The following TMPRSS11B variants were observed in gnomAD, a reference collection of about 807,000 sequenced individuals.
The protein encoded by TMPRSS11B is transmembrane protease serine 11B.
In TMPRSS11B, 53 loss-of-function variants were observed where a neutral mutation model predicts 44.7. The ratio of observed to expected loss-of-function variants is 1.19; its 90% CI spans 0.95 to 1.49. TMPRSS11B has a LOEUF of 1.49. Among genes scored for constraint, TMPRSS11B ranks in the 40% most tolerant of loss-of-function variants. The pLI is 0.00. For missense variants in TMPRSS11B, 526 were observed against 494.8 expected, an observed-to-expected ratio of 1.06 and a Z score of -0.60; for synonymous variants, 140 against 159.2, an observed-to-expected ratio of 0.88 and a Z score of 0.91.
In TMPRSS11B at chr4:68,227,411, T is replaced by TTC. The variant is rs1193721765; in HGVS notation, c.*499_*500insGA. On this transcript the variant is annotated 3_prime_UTR_variant, in exon 10 of 10. Transcript: ENST00000332644. ...TTCTTTATTTTCTTCTCTCCTTTTT[T>TTC]TTTTTTTTTTTTTGAGACAGGGTCT... is the stretch of plus-strand genomic sequence containing the variant. 1 of 147,088 alleles carries TTC rather than the reference T, an allele frequency of 6.8e-6. No individual in the cohort carries two copies. Among genetic ancestry groups the TTC allele is most frequent in the Non-Finnish European group, 1.5e-5 (1 of 67,502 alleles). 9.1% of individuals were successfully genotyped at this position (147,088 alleles called of 1,614,324 possible). A position where few individuals can be genotyped will look rare whatever the true frequency, so the allele number is the denominator to read the frequency against.
At chr4:68,233,454 C>T (rs556793064) in intron 5 of TMPRSS11B, among the ~76,000 whole-genome samples, 2 of 152,156 alleles carry the variant, frequency 1.3e-5, no homozygotes, top group East Asian at 3.9e-4. Context: ...CTTTGCAAAA[C>T]CTTCACAATC....
intron 1 of TMPRSS11B, among the ~76,000 whole-genome samples, chr4:68,245,151 T>C (rs9999835): frequency 0.017 from 2,655 of 152,274 alleles, 70 homozygotes; most frequent in African/African-American, 0.06. Flanking sequence ...CCAAAATATA[T>C]AATGGCATTC....
At chr4:68,242,276 T>TATAACATA (rs1719862265) in intron 1 of TMPRSS11B, among the ~76,000 whole-genome samples, 1 of 73,148 alleles carries the variant, frequency 1.4e-5, no homozygotes, top group African/African-American at 6.8e-5. Flanking sequence ...AATATAATAT[T>TATAACATA]ATATATATTA....
intron 9 of TMPRSS11B, among the ~76,000 whole-genome samples, chr4:68,228,436 G>A (rs1244503883): frequency 1.3e-5 from 2 of 152,186 alleles, no homozygotes; most frequent in Admixed American, 6.5e-5. Context: ...ATAAAGAGAA[G>A]ACAACATTCT....
chr4:68,228,887 A>C lies in TMPRSS11B; in HGVS notation c.947-3T>G. On this transcript the variant is annotated splice_region_variant and splice_polypyrimidine_tract_variant and intron_variant, in intron 8 of 9. Coordinates refer to ENST00000332644, the MANE Select transcript of TMPRSS11B (RefSeq NM_182502.3). ...TTGAAGTATCACTGGAAATGAACCT[A>C]AAAGCAATAAGTGCTGCATATTATG... The C allele has an allele frequency of 1.2e-6, 2 of 1,612,008 alleles. No homozygotes were observed. Among genetic ancestry groups the C allele is most frequent in the Non-Finnish European group, 1.7e-6 (2 of 1,179,088 alleles).
chr4:68,241,729 C>G lies in TMPRSS11B; in HGVS notation c.84G>C (p.Leu28Phe). Residue 28 changes from leucine (L) to phenylalanine (F), a missense_variant, in exon 2 of 10, where the codon TTG (leucine) becomes TTC (phenylalanine). Coordinates refer to ENST00000332644, the MANE Select transcript of TMPRSS11B (RefSeq NM_182502.3). Reference protein sequence around the residue: ...IFIFLGVAAILGVTIGLLVHF... With the variant: ...IFIFLGVAAIFGVTIGLLVHF... ...GAACAAGAAGACCAATGGTTACTCC[C>G]AAGATTGCCGCCACTCCAAGAAAAA... 6.2e-7 allele frequency: 1 copy of G among 1,612,942 alleles called. No homozygotes were observed. The highest frequency in any genetic ancestry group is 8.5e-7 in the Non-Finnish European group (1 of 1,179,388).
At chr4:68,230,281 T>G (rs1466473537) in intron 7 of TMPRSS11B, among the ~76,000 whole-genome samples, 2 of 152,230 alleles carry the variant, frequency 1.3e-5, no homozygotes, top group African/African-American at 4.8e-5. Flanking sequence ...ACTCAATTTT[T>G]GGGTCCAGAT....
At chr4:68,229,706 G>A (rs1019122903) in intron 7 of TMPRSS11B, 190 bp from the exon 8 acceptor site, 21 of 476,574 alleles carry the variant, frequency 4.4e-5, no homozygotes, top group African/African-American at 4.0e-4. Flanking sequence ...ATAATGCTAA[G>A]GACTCAGATT....
intron 1 of TMPRSS11B, among the ~76,000 whole-genome samples, chr4:68,242,277 AT>A (rs1719862411): frequency 2.6e-5 from 2 of 76,988 alleles, no homozygotes; most frequent in African/African-American, 1.3e-4. Context: ...ATATAATATT[AT>A]ATATATTATA....
At chr4:68,236,296 G>T (rs766218420) in intron 2 of TMPRSS11B, 30 bp from the exon 3 acceptor site, 5 of 1,407,768 alleles carry the variant, frequency 3.6e-6, no homozygotes, top group Non-Finnish European at 3.9e-6. Context: ...AAACCTCAAA[G>T]AATTTTAAAG....
At chr4:68,242,004 G>A (rs895951235) in intron 1 of TMPRSS11B, among the ~76,000 whole-genome samples, 200 bp from the exon 2 acceptor site, 1 of 150,652 alleles carries the variant, frequency 6.6e-6, no homozygotes, top group Non-Finnish European at 1.5e-5. Flanking sequence ...TCCCAGGTTA[G>A]CTGCTGGAAA....
At chr4:68,242,290 TA>T (rs1560445546) in intron 1 of TMPRSS11B, among the ~76,000 whole-genome samples, 22 of 60,336 alleles carry the variant, frequency 3.6e-4, no homozygotes, top group African/African-American at 1.6e-3. Flanking sequence ...TATATTATAT[TA>T]TACATAATAT....
rs192676073 is a variant in TMPRSS11B, at chr4:68,237,109, A to G, written c.125-843T>C. On this transcript the variant is annotated intron_variant, in intron 2 of 9. Coordinates refer to ENST00000332644, the MANE Select transcript of TMPRSS11B (RefSeq NM_182502.3). ...CACTAGTGCCTCCACCTCCCTGCCA[A>G]CCCTGGTGTGTGATGTTCCCCTCCC... is the stretch of plus-strand genomic sequence containing the variant. Among the ~76,000 whole-genome samples the G allele has an allele frequency of 2.6e-3, 392 of 151,826 alleles. 1 individual carries two copies. The highest frequency in any genetic ancestry group is 9.0e-3 in the African/African-American group (374 of 41,392).
At chr4:68,228,149 A>G in intron 9 of TMPRSS11B, 77 bp from the exon 10 acceptor site, 1 of 1,339,078 alleles carries the variant, frequency 7.5e-7, no homozygotes, top group Non-Finnish European at 1.0e-6. Context: ...AGTTATCTGT[A>G]CCTCCTGGGC....
chr4:68,229,110 A>C (rs1468778027), intron 8 of TMPRSS11B, 147 bp downstream of exon 8: 1 of 971,170 alleles, frequency 1.0e-6, no homozygotes, highest in Non-Finnish European at 1.5e-6. Context: ...ACAATTTGAC[A>C]TCATGCTTTT....
intron 1 of TMPRSS11B, among the ~76,000 whole-genome samples, chr4:68,243,878 C>G (rs903980435): frequency 6.6e-6 from 1 of 152,054 alleles, no homozygotes; most frequent in Non-Finnish European, 1.5e-5. Flanking sequence ...CTCTAAAAAC[C>G]CATTTTGGAT....
In TMPRSS11B at chr4:68,227,037, C is replaced by G. The variant is rs1204972445; in HGVS notation, c.*874G>C. ...GAGTGACTTTAACCAAATCATTTCT[C>G]TTCTCTGGTCTTCAGTTTCTTGATC... On this transcript the variant is annotated 3_prime_UTR_variant, in exon 10 of 10. Coordinates refer to ENST00000332644, the MANE Select transcript of TMPRSS11B (RefSeq NM_182502.3). 1.3e-5 allele frequency: 2 copies of G among 152,128 alleles called. No homozygotes were observed. The highest frequency in any genetic ancestry group is 2.9e-5 in the Non-Finnish European group (2 of 68,016). The allele number at this position is 152,128 out of a possible 1,614,324, so 9.4% of individuals were successfully genotyped here. A position where few individuals can be genotyped will look rare whatever the true frequency, so the allele number is the denominator to read the frequency against.
At chr4:68,229,196 TTGATTGATTGATTAAA>T (rs998455463) in intron 8 of TMPRSS11B, 45 bp downstream of exon 8, 14 of 1,318,146 alleles carry the variant, frequency 1.1e-5, no homozygotes, top group African/African-American at 7.0e-5. Context: ...GATTGATTGA[TTGATTGATTGATTAAA>T]TAGTTATTCC....
intron 1 of TMPRSS11B, among the ~76,000 whole-genome samples, chr4:68,243,883 T>A (rs1719932589): frequency 6.6e-6 from 1 of 152,148 alleles, no homozygotes; most frequent in African/African-American, 2.4e-5. Context: ...AAAACCCATT[T>A]TGGATGCTCT....
Sources: allele counts gnomAD v4.1 joint callset (sites outside exome capture counted in the v4.1 genomes callset), GRCh38; gene constraint gnomAD v4.1.1; transcripts MANE v1.5; gene names NCBI Gene and HGNC (gene_info 2026-07-23, HGNC 2026-07-21).